The following NDUFA5 variants were observed in gnomAD, a reference collection of about 807,000 sequenced individuals.
The protein encoded by NDUFA5 is NADH:ubiquinone oxidoreductase subunit A5.
In NDUFA5, 11 loss-of-function variants were observed where a neutral mutation model predicts 19.8. The observed-to-expected ratio is 0.56, with a 90% CI of 0.35 to 0.92. The LOEUF (loss-of-function observed/expected upper bound fraction) is 0.92, where lower values mean the gene tolerates loss of function less well. NDUFA5 is among the 40% of genes least tolerant of loss of function. The pLI, the probability that NDUFA5 is intolerant of heterozygous loss-of-function variation, is 0.01. For synonymous variants in NDUFA5, 47 were observed against 46.8 expected (o/e 1.00, Z -0.01); for missense variants, 109 against 134.2 (o/e 0.81, Z 0.93).
rs1333351647 is a variant in NDUFA5, at chr7:123,542,184, C to G, written c.286G>C (p.Glu96Gln). The G allele has an allele frequency of 3.1e-6, 5 of 1,612,218 alleles. No individual in the cohort carries two copies. Among genetic ancestry groups the G allele is most frequent in the Non-Finnish European group, 4.2e-6 (5 of 1,179,134 alleles). Residue 96 changes from glutamate (E) to glutamine (Q), a missense_variant, in exon 5 of 5, where the codon GAA (glutamate) becomes CAA (glutamine). Coordinates refer to ENST00000355749, the MANE Select transcript of NDUFA5 (RefSeq NM_005000.5). ...HELNLARKMR[E>Q]WKLWEPLVEE... ...ACTAATGGCTCCCATAGTTTCCATTCCCTCATTTTTCTTGCCAGATTTAGT... is the reference window on the plus strand; with the variant it reads ...ACTAATGGCTCCCATAGTTTCCATTGCCTCATTTTTCTTGCCAGATTTAGT...
intron 4 of NDUFA5, among the ~76,000 whole-genome samples, chr7:123,544,423 G>T (rs1011406914): frequency 6.6e-6 from 1 of 150,694 alleles, no homozygotes; most frequent in Non-Finnish European, 1.5e-5. Flanking sequence ...GCTTGAACCC[G>T]GGAGGCGGAG....
rs1039097743 is a variant in NDUFA5, at chr7:123,538,478, T to C, written c.*3641A>G. ...CCTCCTCTAAACACAACTGGTAGCC[T>C]CTCATTTACTTTTCTCTAAAACAAT... is the stretch of plus-strand genomic sequence containing the variant. On this transcript the variant is annotated 3_prime_UTR_variant, in exon 5 of 5. Transcript: ENST00000355749. 6.6e-6 allele frequency: 1 copy of C among 152,200 alleles called. No homozygotes were observed. The highest frequency in any genetic ancestry group is 2.4e-5 in the African/African-American group (1 of 41,440). The allele number at this position is 152,200 out of a possible 1,614,324, so 9.4% of individuals were successfully genotyped here.
the NDUFA5 span, among the ~76,000 whole-genome samples, chr7:123,598,594 C>T: frequency 1.3e-4 from 20 of 152,290 alleles, no homozygotes; most frequent in East Asian, 3.7e-3. Context: ...ACAGAAATAA[C>T]TGCGAACCCA....
chr7:123,559,859 A>G (rs1707912697), upstream of NDUFA5, among the ~76,000 whole-genome samples: 1 of 145,618 alleles, frequency 6.9e-6, no homozygotes, highest in African/African-American at 2.5e-5. Flanking sequence ...CCGTCTCACA[A>G]AAAAAAAAAA....
the NDUFA5 span, among the ~76,000 whole-genome samples, chr7:123,600,879 G>T: frequency 6.6e-6 from 1 of 152,146 alleles, no homozygotes. Flanking sequence ...AAACAAAAGC[G>T]TGTAGTGCTC....
chr7:123,578,675 T>C, the NDUFA5 span, among the ~76,000 whole-genome samples: 1 of 152,116 alleles, frequency 6.6e-6, no homozygotes, highest in African/African-American at 2.4e-5. Context: ...CACAGCAATT[T>C]CATTCAATAG....
At chr7:123,572,567 T>C in the NDUFA5 span, among the ~76,000 whole-genome samples, 1 of 152,142 alleles carries the variant, frequency 6.6e-6, no homozygotes, top group Non-Finnish European at 1.5e-5. Flanking sequence ...ATCTTCTTGG[T>C]GGTTGTTCCT....
At chr7:123,568,977 G>A in the NDUFA5 span, among the ~76,000 whole-genome samples, 701 of 152,272 alleles carry the variant, frequency 4.6e-3, 11 homozygotes, top group African/African-American at 0.016. Context: ...GAAGACAACA[G>A]CTAAAATAGA....
the NDUFA5 span, among the ~76,000 whole-genome samples, chr7:123,574,168 T>C: frequency 6.6e-6 from 1 of 152,106 alleles, no homozygotes; most frequent in Non-Finnish European, 1.5e-5. Context: ...CTTCTTTTTT[T>C]ATATAAAATT....
Position 123,540,913 on chromosome 7 carries a change from C to CAG in NDUFA5, c.*1205_*1206insCT, listed in dbSNP as rs1293220707. 1 of 152,732 alleles carries CAG rather than the reference C, an allele frequency of 6.5e-6. No individual in the cohort carries two copies. 9.5% of individuals were successfully genotyped at this position (152,732 alleles called of 1,614,324 possible). On this transcript the variant is annotated 3_prime_UTR_variant, in exon 5 of 5. Coordinates refer to ENST00000355749, the MANE Select transcript of NDUFA5 (RefSeq NM_005000.5). Reference sequence around the variant, plus strand: ...GTGCACACACACACACACACACACACACACACACACACACACACACACGTA... The same window carrying CAG: ...GTGCACACACACACACACACACACACAGACACACACACACACACACACACGTA...
the NDUFA5 span, among the ~76,000 whole-genome samples, chr7:123,569,017 T>A: frequency 6.6e-6 from 1 of 152,154 alleles, no homozygotes; most frequent in Non-Finnish European, 1.5e-5. Flanking sequence ...GAGAAGGATA[T>A]GAATGTTTTT....
the NDUFA5 span, among the ~76,000 whole-genome samples, chr7:123,597,185 G>T: frequency 1.3e-5 from 2 of 152,132 alleles, no homozygotes; most frequent in Non-Finnish European, 2.9e-5. Context: ...GGGTCACCCT[G>T]CTCTGTTCTG....
At position 123,550,568 on chromosome 7, in the gene NDUFA5, T is replaced by A; in HGVS notation, c.85A>T (p.Thr29Ser). ...TCCTCAAGAACATCAAGAATCTTTGTGTACAATATTCTTAGCCTCTGAAAA... is the reference window on the plus strand; with the variant it reads ...TCCTCAAGAACATCAAGAATCTTTGAGTACAATATTCTTAGCCTCTGAAAA... ...TPHERLRILY[T>S]KILDVLEEIP... is the part of the protein sequence containing the mutation. The change falls in exon 3 of 5, where the codon ACA becomes TCA. Residue 29 changes from threonine (T) to serine (S), a missense_variant. Transcript: ENST00000355749. 1 of 1,602,000 alleles carries A rather than the reference T, an allele frequency of 6.2e-7. No homozygotes were observed. Among genetic ancestry groups the A allele is most frequent in the Non-Finnish European group, 8.5e-7 (1 of 1,170,376 alleles).
intron 2 of NDUFA5, chr7:123,551,550 T>C: frequency 1.0e-6 from 1 of 959,044 alleles, no homozygotes; most frequent in Non-Finnish European, 1.2e-6. Context: ...TGCAAATTTT[T>C]TTTTTTAATT....
chr7:123,583,561 T>C, the NDUFA5 span, among the ~76,000 whole-genome samples: 14 of 152,022 alleles, frequency 9.2e-5, no homozygotes, highest in Non-Finnish European at 1.5e-4. Flanking sequence ...CTAAAGTAGT[T>C]ACTAGTATAA....
chr7:123,595,235 G>A, the NDUFA5 span, among the ~76,000 whole-genome samples: 1 of 152,202 alleles, frequency 6.6e-6, no homozygotes, highest in African/African-American at 2.4e-5. Context: ...TCATGTGCTT[G>A]TAATAAAACC....
chr7:123,562,629 C>CT (rs963603580), upstream of NDUFA5, among the ~76,000 whole-genome samples: 119 of 152,160 alleles, frequency 7.8e-4, no homozygotes, highest in African/African-American at 2.4e-3. Flanking sequence ...TCTTCTGCAG[C>CT]TTTTTTTACC....
At chr7:123,573,158 T>C in the NDUFA5 span, among the ~76,000 whole-genome samples, 2 of 152,154 alleles carry the variant, frequency 1.3e-5, no homozygotes, top group Non-Finnish European at 2.9e-5. Context: ...TTCCATCATT[T>C]ATGTAAAAAT....
the NDUFA5 span, among the ~76,000 whole-genome samples, chr7:123,599,199 T>C: frequency 6.6e-6 from 1 of 152,078 alleles, no homozygotes; most frequent in African/African-American, 2.4e-5. Context: ...TATACATGGG[T>C]ATTGCTTACT....
Sources: gnomAD v4.1 joint callset for allele counts (sites outside exome capture counted in the v4.1 genomes callset) on GRCh38, gnomAD v4.1.1 for gene constraint, MANE v1.5 for transcripts, NCBI Gene and HGNC (gene_info 2026-07-23, HGNC 2026-07-21) for gene names.